The following ZMYM1 variants were observed in gnomAD, a reference collection of about 807,000 sequenced individuals.
The protein encoded by ZMYM1 is zinc finger MYM-type protein 1.
In ZMYM1, 39 loss-of-function variants were observed where a neutral mutation model predicts 60.0. The observed-to-expected ratio is 0.65, with a 90% CI of 0.50 to 0.85. The LOEUF (loss-of-function observed/expected upper bound fraction) is 0.85, where lower values mean the gene tolerates loss of function less well. Among genes scored for constraint, ZMYM1 ranks in the 40% least tolerant of loss-of-function variants. ZMYM1 has a pLI of 0.00. For missense variants in ZMYM1, 1,171 were observed against 1,309.5 expected, an observed-to-expected ratio of 0.89 and a Z score of 1.63; for synonymous variants, 413 against 454.0, an observed-to-expected ratio of 0.91 and a Z score of 1.15.
chr1:35,066,952 A>C (rs1009254478), intron 1 of ZMYM1, among the ~76,000 whole-genome samples: 1 of 152,308 alleles, frequency 6.6e-6, no homozygotes, highest in Non-Finnish European at 1.5e-5. Flanking sequence ...ATTTTGAAAA[A>C]GATCAAAGTA....
intron 1 of ZMYM1, among the ~76,000 whole-genome samples, chr1:35,084,060 C>T (rs1247504981): frequency 6.6e-6 from 1 of 152,162 alleles, no homozygotes; most frequent in Non-Finnish European, 1.5e-5. Flanking sequence ...TTCAATTTTC[C>T]ATCCTTTTAT....
At chr1:35,106,331 G>A (rs1375666562) in intron 6 of ZMYM1, among the ~76,000 whole-genome samples, 4 of 151,984 alleles carry the variant, frequency 2.6e-5, no homozygotes, top group South Asian at 4.1e-4. Context: ...GCAGTTGGCC[G>A]GGTGCAGTGG....
chr1:35,083,850 T>C (rs76655606), intron 1 of ZMYM1, among the ~76,000 whole-genome samples: 1 of 152,340 alleles, frequency 6.6e-6, no homozygotes, highest in African/African-American at 2.4e-5. Flanking sequence ...CTCGAACTCC[T>C]GGGCTCAAAC....
At chr1:35,069,944 A>ATG (rs1316072592) in intron 1 of ZMYM1, among the ~76,000 whole-genome samples, 4 of 151,992 alleles carry the variant, frequency 2.6e-5, no homozygotes, top group Admixed American at 2.0e-4. Flanking sequence ...CTATTGGTCT[A>ATG]TGTGTGTGTG....
downstream of ZMYM1, among the ~76,000 whole-genome samples, chr1:35,117,391 C>T (rs1166869830): frequency 6.6e-6 from 1 of 152,032 alleles, no homozygotes; most frequent in Non-Finnish European, 1.5e-5. Flanking sequence ...GTGATATTGG[C>T]TCACTGCAAC....
intron 1 of ZMYM1, among the ~76,000 whole-genome samples, chr1:35,066,858 AT>A (rs1286511723): frequency 6.6e-5 from 10 of 152,328 alleles, no homozygotes; most frequent in African/African-American, 1.4e-4. Flanking sequence ...TCAAAAAAAA[AT>A]CTCAGCAGAA....
At chr1:35,106,946 G>C (rs113577653) in intron 6 of ZMYM1, among the ~76,000 whole-genome samples, 2,125 of 151,724 alleles carry the variant, frequency 0.014, 59 homozygotes, top group African/African-American at 0.048. Context: ...CCGCCTCGCG[G>C]GTTCACGCCA....
rs1285615475 is a variant in ZMYM1 at position 35,104,623 on chromosome 1, T to C, written c.661T>C (p.Phe221Leu). ...NLCSNACLSKFHSANNFIMNC... is the reference protein window; with the variant it reads ...NLCSNACLSKLHSANNFIMNC... ...TTGCAGTAATGCCTGCCTTTCAAAG[T>C]TTCACTCTGCTAACAACTTCATCAT... The change falls in exon 6 of 10, where the codon TTT becomes CTT. Residue 221 changes from phenylalanine (F) to leucine (L), a missense_variant. Transcript: ENST00000359858. 1 of 1,614,194 alleles carries C rather than the reference T, an allele frequency of 6.2e-7. No individual in the cohort carries two copies. The highest frequency in any genetic ancestry group is 8.5e-7 in the Non-Finnish European group (1 of 1,180,032).
chr1:35,066,784 G>T, intron 1 of ZMYM1, among the ~76,000 whole-genome samples: 1 of 152,038 alleles, frequency 6.6e-6, no homozygotes, highest in East Asian at 1.9e-4. Flanking sequence ...AGGAAGCTAA[G>T]GTAGGAGGAT....
At chr1:35,090,292 A>G (rs1260716645) in intron 1 of ZMYM1, among the ~76,000 whole-genome samples, 1 of 152,094 alleles carries the variant, frequency 6.6e-6, no homozygotes, top group Non-Finnish European at 1.5e-5. Flanking sequence ...AAGGGTTCCA[A>G]AGGATTTAGA....
chr1:35,114,243 T>G lies in ZMYM1; in HGVS notation c.2413T>G (p.Ser805Ala). The part of the protein sequence containing the change: ...SQNKTCKKHI[S>A]QSCWTVHDRT... ...AAACAAAACATGCAAGAAACATATATCACAATCATGTTGGACAGTCCATGA... is the reference window on the plus strand; with the variant it reads ...AAACAAAACATGCAAGAAACATATAGCACAATCATGTTGGACAGTCCATGA... Residue 805 changes from serine to alanine, a missense_variant, in exon 10 of 10, where the codon TCA becomes GCA. By Grantham distance (99) the Ser-to-Ala change is moderately conservative (BLOSUM62 1). Coordinates refer to ENST00000359858, the MANE Select transcript of ZMYM1 (RefSeq NM_024772.5). The G allele has an allele frequency of 1.2e-6, 2 of 1,613,584 alleles. No homozygotes were observed. Among genetic ancestry groups the G allele is most frequent in the East Asian group, 4.5e-5 (2 of 44,848 alleles).
At chr1:35,117,157 T>G (rs996840461), downstream of ZMYM1, among the ~76,000 whole-genome samples, 1 of 149,974 alleles carries the variant, frequency 6.7e-6, no homozygotes, top group Non-Finnish European at 1.5e-5. Context: ...AGACTATTTC[T>G]CTGGCACTTT....
intron 1 of ZMYM1, among the ~76,000 whole-genome samples, chr1:35,072,334 A>C (rs1378375504): frequency 6.6e-6 from 1 of 152,152 alleles, no homozygotes; most frequent in African/African-American, 2.4e-5. Context: ...TCTAAAGTTT[A>C]TTGGCATATA....
upstream of ZMYM1, among the ~76,000 whole-genome samples, chr1:35,078,395 T>TTA (rs1038160635): frequency 1.9e-4 from 29 of 152,076 alleles, no homozygotes; most frequent in South Asian, 6.2e-4. Flanking sequence ...TCATTCAACC[T>TTA]TATATATATA....
At chr1:35,060,400 T>G (rs1641850952) in intron 1 of ZMYM1, among the ~76,000 whole-genome samples, 1 of 151,308 alleles carries the variant, frequency 6.6e-6, no homozygotes, top group South Asian at 2.1e-4. Flanking sequence ...CCTCTGGTGA[T>G]CGACCCCCCT....
rs1378590081 is a variant in ZMYM1, at chr1:35,115,181, G to A, written c.3351G>A (p.Glu1117=). ...CAGCCCTAATGGCTGTTGAGCAGGA[G>A]TTGGTAAATAAACTAATGGAGCCTG... ...TGPALMAVEQ[E]LVNKLMEPER... The change falls in exon 10 of 10, where the codon GAG becomes GAA. Residue 1117 remains glutamate, a synonymous_variant. Coordinates refer to ENST00000359858, the MANE Select transcript of ZMYM1 (RefSeq NM_024772.5). 1 of 1,613,296 alleles carries A rather than the reference G, an allele frequency of 6.2e-7. No individual in the cohort carries two copies. Among genetic ancestry groups the A allele is most frequent in the East Asian group, 2.2e-5 (1 of 44,870 alleles).
At chr1:35,109,402 T>C (rs1644009393) in intron 6 of ZMYM1, among the ~76,000 whole-genome samples, 1 of 152,192 alleles carries the variant, frequency 6.6e-6, no homozygotes, top group African/African-American at 2.4e-5. Context: ...GCATAATCTT[T>C]ACAGTAATGC....
At chr1:35,112,582 A>ATAT (rs371562047) in intron 9 of ZMYM1, among the ~76,000 whole-genome samples, 2 of 144,276 alleles carry the variant, frequency 1.4e-5, no homozygotes, top group East Asian at 2.0e-4. Flanking sequence ...ATATATTATA[A>ATAT]TGTATATTTA....
chr1:35,108,101 G>C (rs1049089374), intron 6 of ZMYM1, among the ~76,000 whole-genome samples: 1 of 152,100 alleles, frequency 6.6e-6, no homozygotes. Context: ...AACAGAGCAA[G>C]ACTCTGTCTC....
Sources: allele counts gnomAD v4.1 joint callset (sites outside exome capture counted in the v4.1 genomes callset), GRCh38; gene constraint gnomAD v4.1.1; transcripts MANE v1.5; gene names NCBI Gene and HGNC (gene_info 2026-07-23, HGNC 2026-07-21).